NRG3: variants seen among roughly 807,000 people sequenced by gnomAD.
NRG3 encodes the protein neuregulin 3.
In NRG3, 31 loss-of-function variants were observed where a neutral mutation model predicts 66.9. The observed-to-expected ratio is 0.46, with a 90% CI of 0.35 to 0.63. The LOEUF is 0.63. NRG3 is among the 20% of genes least tolerant of loss of function. NRG3 has a pLI of 0.00. For missense variants in NRG3, 910 were observed against 878.9 expected (o/e 1.04, Z -0.45); for synonymous variants, 393 against 359.4 (o/e 1.09, Z -1.06).
chr10:81,912,320 G>A (rs1845247454), intron 1 of NRG3, among the ~76,000 whole-genome samples: 1 of 152,084 alleles, frequency 6.6e-6, no homozygotes, highest in African/African-American at 2.4e-5. Flanking sequence ...CTGCTGGGCT[G>A]AAGTGATCCT....
At chr10:82,331,705 A>G (rs1489113829) in intron 1 of NRG3, among the ~76,000 whole-genome samples, 3 of 152,134 alleles carry the variant, frequency 2.0e-5, no homozygotes, top group Admixed American at 6.5e-5. Context: ...CTTAAAACCC[A>G]TCTGGAAAAA....
chr10:82,659,470 C>T (rs1485477474), intron 2 of NRG3, among the ~76,000 whole-genome samples: 2 of 151,968 alleles, frequency 1.3e-5, no homozygotes, highest in African/African-American at 2.4e-5. Flanking sequence ...GGTGAAACCC[C>T]ATCTCTATTA....
At chr10:82,407,769 T>A (rs1404388490) in intron 2 of NRG3, among the ~76,000 whole-genome samples, 2 of 151,990 alleles carry the variant, frequency 1.3e-5, no homozygotes, top group Non-Finnish European at 2.9e-5. Flanking sequence ...GAAGTTTACA[T>A]GTTAAAATAG....
chr10:82,630,919 C>CT (rs1386476894), intron 2 of NRG3, among the ~76,000 whole-genome samples: 1 of 152,034 alleles, frequency 6.6e-6, no homozygotes, highest in Non-Finnish European at 1.5e-5. Flanking sequence ...TTCACAAAGA[C>CT]TTTTTTTCTT....
At chr10:82,905,267 C>T (rs924173359) in intron 4 of NRG3, among the ~76,000 whole-genome samples, 1 of 152,108 alleles carries the variant, frequency 6.6e-6, no homozygotes, top group African/African-American at 2.4e-5. Flanking sequence ...TTTCTCAGTT[C>T]ACTGTATTTA....
intron 1 of NRG3, among the ~76,000 whole-genome samples, chr10:82,334,478 C>A (rs1365430070): frequency 6.6e-6 from 1 of 152,090 alleles, no homozygotes; most frequent in Non-Finnish European, 1.5e-5. Context: ...AATAATAGCT[C>A]TAGAAGACAA....
intron 2 of NRG3, among the ~76,000 whole-genome samples, chr10:82,598,787 C>A (rs113257061): frequency 0.013 from 1,961 of 152,292 alleles, 41 homozygotes; most frequent in African/African-American, 0.045. Context: ...CTGTTGCTCA[C>A]TCCTGTAATC....
intron 2 of NRG3, among the ~76,000 whole-genome samples, chr10:82,500,455 A>G (rs776246918): frequency 1.3e-5 from 2 of 152,122 alleles, no homozygotes; most frequent in Non-Finnish European, 2.9e-5. Context: ...CTCCATGTTA[A>G]CTTCCATGAC....
At chr10:82,631,102 G>T (rs1451827126) in intron 2 of NRG3, among the ~76,000 whole-genome samples, 1 of 152,092 alleles carries the variant, frequency 6.6e-6, no homozygotes, top group African/African-American at 2.4e-5. Context: ...TTCAGGATGA[G>T]GTCTGGGAAT....
intron 1 of NRG3, among the ~76,000 whole-genome samples, chr10:82,018,361 G>A (rs1374969006): frequency 6.6e-6 from 1 of 152,162 alleles, no homozygotes; most frequent in African/African-American, 2.4e-5. Flanking sequence ...TTTGAAGTCA[G>A]GTAGTGTGAT....
intron 2 of NRG3, among the ~76,000 whole-genome samples, chr10:82,447,718 G>T (rs963850162): frequency 2.0e-5 from 3 of 152,206 alleles, no homozygotes; most frequent in African/African-American, 7.2e-5. Context: ...TTTGAAAATT[G>T]CAAAAGTATT....
chr10:81,920,641 A>G (rs566855917), intron 1 of NRG3, among the ~76,000 whole-genome samples: 2 of 152,296 alleles, frequency 1.3e-5, no homozygotes, highest in Non-Finnish European at 2.9e-5. Flanking sequence ...AATTATGCCA[A>G]CCCCAGAAAG....
intron 2 of NRG3, among the ~76,000 whole-genome samples, chr10:82,364,053 A>G (rs549536288): frequency 6.6e-6 from 1 of 152,196 alleles, no homozygotes; most frequent in South Asian, 2.1e-4. Context: ...CAACTTGGCA[A>G]ATTTTCTAAC....
chr10:82,659,608 C>A (rs528692014), intron 2 of NRG3, among the ~76,000 whole-genome samples: 67 of 152,156 alleles, frequency 4.4e-4, no homozygotes, highest in African/African-American at 1.5e-3. Context: ...CGTGCCACTG[C>A]ACTTCAGCCT....
intron 4 of NRG3, among the ~76,000 whole-genome samples, chr10:82,896,437 T>C (rs959979244): frequency 6.6e-6 from 1 of 152,124 alleles, no homozygotes; most frequent in Admixed American, 6.5e-5. Context: ...TTCCTGTGCC[T>C]GGCAAAGAAG....
At chr10:81,917,960 A>AT (rs1464083984) in intron 1 of NRG3, among the ~76,000 whole-genome samples, 3 of 152,276 alleles carry the variant, frequency 2.0e-5, no homozygotes, top group African/African-American at 7.2e-5. Context: ...GTTTAATACA[A>AT]TGGAATACCA....
intron 2 of NRG3, among the ~76,000 whole-genome samples, chr10:82,654,124 C>T (rs1286490830): frequency 6.6e-6 from 1 of 152,012 alleles, no homozygotes; most frequent in East Asian, 1.9e-4. Context: ...GCATGGGATG[C>T]GACCGTAAGT....
chr10:82,349,380 G>T lies in NRG3; in HGVS notation c.824-9359G>T, dbSNP rs1290597651. 2.4e-4 allele frequency among the ~76,000 whole-genome samples: 37 copies of T among 151,526 alleles called. 1 individual carries two copies. Among genetic ancestry groups the T allele is most frequent in the South Asian group, 6.3e-4 (3 of 4,758 alleles). On this transcript the variant is annotated intron_variant, in intron 1 of 8. Coordinates refer to ENST00000372141, the MANE Select transcript of NRG3 (RefSeq NM_001010848.4). ...GTGCCTCCCAGTTAGGCTGCTCGGG[G>T]GTCAGGGGTCAGGGACCCACTTGAG... is the stretch of plus-strand genomic sequence containing the variant.
intron 3 of NRG3, among the ~76,000 whole-genome samples, chr10:82,798,460 A>G (rs1325795562): frequency 6.6e-6 from 1 of 152,118 alleles, no homozygotes; most frequent in African/African-American, 2.4e-5. Flanking sequence ...CATCTGCTCT[A>G]TAGTTGTGAG....
Sources: gnomAD v4.1 joint callset for allele counts (sites outside exome capture counted in the v4.1 genomes callset) on GRCh38, gnomAD v4.1.1 for gene constraint, MANE v1.5 for transcripts, NCBI Gene and HGNC (gene_info 2026-07-23, HGNC 2026-07-21) for gene names.